DAB1: variants seen among roughly 807,000 people sequenced by gnomAD.
DAB1 encodes the protein disabled homolog 1.
In DAB1, 15 loss-of-function variants were observed where a neutral mutation model predicts 64.6. The observed-to-expected ratio is 0.23, with a 90% CI of 0.16 to 0.36. The LOEUF (loss-of-function observed/expected upper bound fraction) is 0.36, where lower values mean the gene tolerates loss of function less well. Among genes scored for constraint, DAB1 ranks in the 10% least tolerant of loss-of-function variants. The pLI is 1.00. For synonymous variants in DAB1, 235 were observed against 251.9 expected (o/e 0.93, Z 0.64); for missense variants, 596 against 706.7 (o/e 0.84, Z 1.78).
intron 1 of DAB1, chr1:57,878,359 G>T (rs1477337736): frequency 1.3e-5 from 2 of 152,138 alleles, no homozygotes; most frequent in Non-Finnish European, 2.9e-5. Context: ...GACACTTCCA[G>T]ACAATTTGTG....
chr1:57,923,278 G>C (rs1208109297), intron 5 of DAB1, among the ~76,000 whole-genome samples: 1 of 152,152 alleles, frequency 6.6e-6, no homozygotes, highest in African/African-American at 2.4e-5. Context: ...GAATGAGAAA[G>C]TATGTATCCT....
At chr1:57,932,198 C>T (rs1644963096) in intron 5 of DAB1, among the ~76,000 whole-genome samples, 2 of 152,020 alleles carry the variant, frequency 1.3e-5, no homozygotes, top group Admixed American at 6.6e-5. Flanking sequence ...GAGCAGATAT[C>T]GATTGTATGA....
intron 4 of DAB1, among the ~76,000 whole-genome samples, chr1:58,269,249 G>C (rs1456900751): frequency 6.7e-6 from 1 of 150,232 alleles, no homozygotes. Flanking sequence ...CCACCTATGA[G>C]TGAGAATATG....
chr1:58,072,024 G>A (rs1295301995), intron 5 of DAB1, among the ~76,000 whole-genome samples: 1 of 147,172 alleles, frequency 6.8e-6, no homozygotes, highest in Non-Finnish European at 1.5e-5. Context: ...ATGTTAGATG[G>A]TGGGGAGTCC....
chr1:57,121,818 G>T (rs1247092678), intron 4 of DAB1, among the ~76,000 whole-genome samples: 1 of 151,918 alleles, frequency 6.6e-6, no homozygotes, highest in African/African-American at 2.4e-5. Context: ...CTTAGAGGAC[G>T]GGTTAGTAGG....
intron 5 of DAB1, among the ~76,000 whole-genome samples, chr1:57,915,928 A>T (rs1644720756): frequency 6.6e-6 from 1 of 152,136 alleles, no homozygotes; most frequent in African/African-American, 2.4e-5. Flanking sequence ...ATCTCCAAGG[A>T]GAAGAATTTT....
At chr1:57,690,422 G>A (rs1295369237) in intron 6 of DAB1, among the ~76,000 whole-genome samples, 1 of 152,152 alleles carries the variant, frequency 6.6e-6, no homozygotes, top group Non-Finnish European at 1.5e-5. Flanking sequence ...AGGTCTGGTT[G>A]TTTAAAAGTG....
intron 2 of DAB1, among the ~76,000 whole-genome samples, chr1:57,252,937 G>T (rs532001691): frequency 3.7e-4 from 56 of 152,308 alleles, no homozygotes; most frequent in African/African-American, 1.3e-3. Flanking sequence ...CCAGATAGAT[G>T]AATGGGCTAA....
Position 57,695,558 on chromosome 1 carries a change from G to A in DAB1, n.552-45893C>T, listed in dbSNP as rs1037405069. On this transcript the variant is annotated intron_variant and non_coding_transcript_variant, in intron 6 of 20. Coordinates refer to the DAB1 transcript ENST00000485760. Reference sequence around the variant, plus strand: ...GACTTTCCAATCAGGAAAATTGCCTGTTGGAATGTGTTGCCTTGGGAGGTT... The same window carrying A: ...GACTTTCCAATCAGGAAAATTGCCTATTGGAATGTGTTGCCTTGGGAGGTT... 2.0e-5 allele frequency among the ~76,000 whole-genome samples: 3 copies of A among 152,178 alleles called. No individual in the cohort carries two copies. The East Asian group carries it at 5.8e-4, about 29-fold the overall frequency.
At chr1:58,137,532 T>A (rs911121940) in intron 5 of DAB1, among the ~76,000 whole-genome samples, 1 of 152,052 alleles carries the variant, frequency 6.6e-6, no homozygotes, top group Non-Finnish European at 1.5e-5. Context: ...ACCACCCCCA[T>A]CCATCCATCG....
upstream of DAB1, among the ~76,000 whole-genome samples, chr1:57,428,306 TC>T (rs1181719245): frequency 6.6e-6 from 1 of 152,124 alleles, no homozygotes; most frequent in Non-Finnish European, 1.5e-5. Context: ...TTAACCAAAA[TC>T]CCCCCATTTT....
At chr1:57,037,930 T>C (rs776291690) in intron 9 of DAB1, among the ~76,000 whole-genome samples, 1 of 152,238 alleles carries the variant, frequency 6.6e-6, no homozygotes, top group Non-Finnish European at 1.5e-5. Flanking sequence ...CTATCTGTGC[T>C]GTCCAATACA....
At chr1:57,758,600 T>C (rs1236433314) in intron 6 of DAB1, among the ~76,000 whole-genome samples, 2 of 152,308 alleles carry the variant, frequency 1.3e-5, no homozygotes, top group South Asian at 2.1e-4. Context: ...AGGTGGTATA[T>C]GAAGTCCAGT....
At chr1:57,941,189 T>C (rs918501498) in intron 5 of DAB1, among the ~76,000 whole-genome samples, 1 of 152,344 alleles carries the variant, frequency 6.6e-6, no homozygotes, top group South Asian at 2.1e-4. Context: ...AGTTGTGGAC[T>C]CAAGCGCAGA....
At chr1:58,296,080 C>T (rs1440540878) in intron 4 of DAB1, among the ~76,000 whole-genome samples, 2 of 113,784 alleles carry the variant, frequency 1.8e-5, no homozygotes, top group South Asian at 2.7e-4. Context: ...GGCAACAGAG[C>T]GAGACTCTGT....
chr1:58,498,030 T>C (rs1645833757), intron 3 of DAB1, among the ~76,000 whole-genome samples: 1 of 152,102 alleles, frequency 6.6e-6, no homozygotes, highest in Non-Finnish European at 1.5e-5. Context: ...GAGAGAAAAT[T>C]ATTTTCTCCT....
At chr1:57,687,538 A>G (rs1445302188) in intron 6 of DAB1, among the ~76,000 whole-genome samples, 1 of 147,880 alleles carries the variant, frequency 6.8e-6, no homozygotes, top group Admixed American at 7.0e-5. Flanking sequence ...AGAAAAATCT[A>G]TTCTAAAACT....
rs562524335 is a variant in DAB1 at position 57,968,733 on chromosome 1, A to G, written n.388-84571T>C. 9.3e-4 allele frequency among the ~76,000 whole-genome samples: 142 copies of G among 152,294 alleles called. 2 individuals carry two copies. Among genetic ancestry groups the G allele is most frequent in the Middle Eastern group, 3.4e-3 (1 of 294 alleles). The stretch of plus-strand genomic sequence containing the variant: ...AGCTACTATTTGCCAAATACCTATT[A>G]CATGCAGAGCCTCACAACGATACTG... On this transcript the variant is annotated intron_variant and non_coding_transcript_variant, in intron 5 of 20. Transcript: ENST00000485760.
chr1:57,039,365 G>T (rs1221049731), intron 9 of DAB1, among the ~76,000 whole-genome samples: 9 of 151,828 alleles, frequency 5.9e-5, no homozygotes, highest in Admixed American at 4.6e-4. Flanking sequence ...AGGAAGGGAG[G>T]GCAGGAGGAA....
Sources: gnomAD v4.1 joint callset for allele counts (sites outside exome capture counted in the v4.1 genomes callset) on GRCh38, gnomAD v4.1.1 for gene constraint, MANE v1.5 for transcripts, NCBI Gene and HGNC (gene_info 2026-07-23, HGNC 2026-07-21) for gene names.